The following DNAH6 variants were observed in gnomAD, a reference collection of about 807,000 sequenced individuals.
The protein encoded by DNAH6 is axonemal beta dynein heavy chain 6.
Under a neutral mutation model 491.4 loss-of-function variants are expected in DNAH6, and 340 were observed. The observed-to-expected ratio is 0.69, with a 90% confidence interval of 0.63 to 0.76. The LOEUF is 0.76. Ranked by LOEUF, DNAH6 falls within the 30% of genes least tolerant of loss-of-function variation. The pLI, the probability that DNAH6 is intolerant of heterozygous loss-of-function variation, is 0.00. For synonymous variants in DNAH6, 1,603 were observed against 1,686.1 expected, an observed-to-expected ratio of 0.95 and a Z score of 1.21; for missense variants, 4,443 against 4,972.2, an observed-to-expected ratio of 0.89 and a Z score of 3.20.
chr2:84,496,647 A>G, the DNAH6 span, among the ~76,000 whole-genome samples: 1 of 152,204 alleles, frequency 6.6e-6, no homozygotes, highest in Non-Finnish European at 1.5e-5. Flanking sequence ...GTATGTTTAG[A>G]AACTCCCACC....
intron 22 of DNAH6, among the ~76,000 whole-genome samples, chr2:84,614,991 T>C (rs980308475): frequency 6.6e-6 from 1 of 152,144 alleles, no homozygotes; most frequent in African/African-American, 2.4e-5. Flanking sequence ...CTCTGCTTGC[T>C]GTTTCTTTTG....
At chr2:84,796,450 A>C in intron 69 of DNAH6, 25 bp downstream of exon 69, 1 of 1,480,698 alleles carries the variant, frequency 6.8e-7, no homozygotes, top group Non-Finnish European at 9.0e-7. Context: ...AATATTACAG[A>C]AAAGGCCTTT....
At chr2:84,814,320 T>C (rs1680285556) in intron 75 of DNAH6, among the ~76,000 whole-genome samples, 198 bp downstream of exon 75, 2 of 152,240 alleles carry the variant, frequency 1.3e-5, no homozygotes, top group Non-Finnish European at 1.5e-5. Context: ...GTCTAAGTTA[T>C]AGAAATATTT....
At chr2:84,602,719 G>T (rs1004814578) in intron 18 of DNAH6, among the ~76,000 whole-genome samples, 1 of 147,498 alleles carries the variant, frequency 6.8e-6, no homozygotes, top group African/African-American at 2.5e-5. Context: ...TCTGTTTTCT[G>T]TCTCTCTTCT....
At chr2:84,647,894 A>T (rs974264079) in intron 33 of DNAH6, among the ~76,000 whole-genome samples, 3 of 152,248 alleles carry the variant, frequency 2.0e-5, no homozygotes, top group Admixed American at 6.5e-5. Context: ...CCTAGAAAGC[A>T]TAACATTCCT....
intron 70 of DNAH6, among the ~76,000 whole-genome samples, chr2:84,799,602 C>G (rs1678688545): frequency 6.6e-6 from 1 of 152,230 alleles, no homozygotes; most frequent in Non-Finnish European, 1.5e-5. Flanking sequence ...ATCACCAAAC[C>G]ACCTGCAGAC....
intron 37 of DNAH6, among the ~76,000 whole-genome samples, chr2:84,668,081 G>A (rs895924187): frequency 2.0e-5 from 3 of 152,144 alleles, no homozygotes; most frequent in Non-Finnish European, 2.9e-5. Context: ...CACACACCAC[G>A]GCCTGTCGTG....
At chr2:84,714,889 C>A (rs888518653) in intron 57 of DNAH6, among the ~76,000 whole-genome samples, 1 of 150,838 alleles carries the variant, frequency 6.6e-6, no homozygotes, top group Non-Finnish European at 1.5e-5. Flanking sequence ...ATGTAATTTA[C>A]CATATTACAA....
chr2:84,471,345 T>C, the DNAH6 span, among the ~76,000 whole-genome samples: 1 of 152,370 alleles, frequency 6.6e-6, no homozygotes, highest in East Asian at 1.9e-4. Flanking sequence ...TCTTAGCCCT[T>C]ATTCAAAATG....
At chr2:84,466,101 A>G in the DNAH6 span, among the ~76,000 whole-genome samples, 189 of 152,314 alleles carry the variant, frequency 1.2e-3, no homozygotes, top group Middle Eastern at 0.014. Context: ...TGAGGTCCCA[A>G]GGTAACCTGG....
chr2:84,522,846 T>C (rs867012549), intron 2 of DNAH6, among the ~76,000 whole-genome samples: 1 of 152,260 alleles, frequency 6.6e-6, no homozygotes, highest in Middle Eastern at 3.4e-3. Flanking sequence ...GTTTTTTATG[T>C]GCTTCTGGAT....
rs1405244108 is a variant in DNAH6 at position 84,547,525 on chromosome 2, G to A, written c.1099G>A (p.Ala367Thr). 1 of 1,551,680 alleles carries A rather than the reference G, an allele frequency of 6.4e-7. No individual in the cohort carries two copies. Among genetic ancestry groups the A allele is most frequent in the Non-Finnish European group, 8.7e-7 (1 of 1,146,936 alleles). ...ACGCCTAGGAGAATTTCGAAATGAG[G>A]CAAAATATGTAGTCAGGAGGGCTTG... The part of the protein sequence containing the change: ...TERLGEFRNE[A>T]KYVVRRACRF... The change falls in exon 7 of 77, where the codon GCA (alanine) becomes ACA (threonine). Residue 367 changes from alanine to threonine, a missense_variant. Transcript: ENST00000389394.
In DNAH6 at chr2:84,566,587, A is replaced by G. The variant is rs776278768; in HGVS notation, c.1804-6880A>G. On this transcript the variant is annotated intron_variant, in intron 11 of 76. Coordinates refer to ENST00000389394, the MANE Select transcript of DNAH6 (RefSeq NM_001370.2). Reference sequence around the variant, plus strand: ...AATGGGATGACTCAACATGATAAAGATTTTTTTTCTCTCTAGGTTAATTTA... The same window carrying G: ...AATGGGATGACTCAACATGATAAAGGTTTTTTTTCTCTCTAGGTTAATTTA... 1.1e-3 allele frequency among the ~76,000 whole-genome samples: 174 copies of G among 151,896 alleles called. 1 individual carries two copies. The highest frequency in any genetic ancestry group is 2.2e-3 in the Non-Finnish European group (148 of 67,858).
chr2:84,812,338 C>T lies in DNAH6; in HGVS notation c.11740-3C>T. ...GCCACCAACCCCTTTTTTGTTCTTT[C>T]AGACTTCTCTGGAAACACTCAACAA... On this transcript the variant is annotated splice_polypyrimidine_tract_variant and splice_region_variant and intron_variant, in intron 72 of 76. Transcript: ENST00000389394. The T allele has an allele frequency of 1.9e-6, 3 of 1,547,910 alleles. No homozygotes were observed. Among genetic ancestry groups the T allele is most frequent in the Admixed American group, 2.0e-5 (1 of 49,966 alleles).
chr2:84,498,752 A>G, the DNAH6 span, among the ~76,000 whole-genome samples: 20 of 152,124 alleles, frequency 1.3e-4, no homozygotes, highest in Admixed American at 2.6e-4. Context: ...AGCCTCAGAC[A>G]TGGGGTTCAC....
intron 64 of DNAH6, among the ~76,000 whole-genome samples, chr2:84,775,464 A>T (rs550176684): frequency 6.6e-6 from 1 of 152,144 alleles, no homozygotes; most frequent in African/African-American, 2.4e-5. Flanking sequence ...TATTGGCCTG[A>T]CGTTTTCATT....
At chr2:84,466,133 G>A in the DNAH6 span, among the ~76,000 whole-genome samples, 3 of 152,234 alleles carry the variant, frequency 2.0e-5, no homozygotes, top group East Asian at 1.9e-4. Flanking sequence ...CTGTGAGAAC[G>A]TGGCATTCTT....
the DNAH6 span, among the ~76,000 whole-genome samples, chr2:84,479,283 G>A: frequency 5.3e-5 from 8 of 152,292 alleles, no homozygotes; most frequent in Non-Finnish European, 7.3e-5. Flanking sequence ...TAGACTTTTC[G>A]GCTTGAGGGT....
rs1298914117 is a variant in DNAH6 at position 84,517,848 on chromosome 2, A to T, written c.22A>T (p.Ser8Cys). The T allele has an allele frequency of 6.4e-7, 1 of 1,551,452 alleles. No individual in the cohort carries two copies. The highest frequency in any genetic ancestry group is 1.2e-5 in the South Asian group (1 of 83,946). ...AAGGATGACTTTTCGGGCCACAGAT[A>T]GTGAATTTGACCTGACAAATATTGA... The part of the protein sequence containing the change: MTFRATD[S>C]EFDLTNIEEY... The change falls in exon 2 of 77, where the codon AGT becomes TGT. Residue 8 changes from serine to cysteine, a missense_variant. Ser to Cys is a moderately radical substitution (Grantham distance 112). Transcript: ENST00000389394.
Sources: gnomAD v4.1 joint callset for allele counts (sites outside exome capture counted in the v4.1 genomes callset) on GRCh38, gnomAD v4.1.1 for gene constraint, MANE v1.5 for transcripts, NCBI Gene and HGNC (gene_info 2026-07-23, HGNC 2026-07-21) for gene names.